The following ALK variants were observed in gnomAD, a reference collection of about 807,000 sequenced individuals.
ALK encodes ALK receptor tyrosine kinase.
In ALK, 74 loss-of-function variants were observed where a neutral mutation model predicts 163.1. The observed-to-expected ratio is 0.45, with a 90% CI of 0.38 to 0.55. The LOEUF (loss-of-function observed/expected upper bound fraction) is 0.55, where lower values mean the gene tolerates loss of function less well. ALK is among the 20% of genes least tolerant of loss of function. The pLI, the probability that ALK is intolerant of heterozygous loss-of-function variation, is 0.00. For missense variants in ALK, 2,063 were observed against 2,105.3 expected (o/e 0.98, Z 0.39); for synonymous variants, 960 against 843.2 (o/e 1.14, Z -2.40).
intron 4 of ALK, among the ~76,000 whole-genome samples, chr2:29,499,457 A>T (rs1489138966): frequency 6.6e-6 from 1 of 152,058 alleles, no homozygotes; most frequent in East Asian, 1.9e-4. Context: ...TGGCCTCCCA[A>T]AGTGTTGGGA....
chr2:29,273,189 A>G (rs1177340300), intron 11 of ALK, among the ~76,000 whole-genome samples: 3 of 152,216 alleles, frequency 2.0e-5, no homozygotes, highest in Non-Finnish European at 4.4e-5. Context: ...CCAGAATGGC[A>G]AGAATTGGCT....
chr2:29,661,211 A>G lies in ALK; in HGVS notation c.952+33639T>C, dbSNP rs192046023. ...ATAAAGCCAAGATTCAGAGAAATTAAGCATCTCAATGGAAGTCATGCAGCT... is the reference window on the plus strand; with the variant it reads ...ATAAAGCCAAGATTCAGAGAAATTAGGCATCTCAATGGAAGTCATGCAGCT... On this transcript the variant is annotated intron_variant, in intron 3 of 28. Coordinates refer to ENST00000389048, the MANE Select transcript of ALK (RefSeq NM_004304.5). Among the ~76,000 whole-genome samples the G allele has an allele frequency of 1.8e-3, 280 of 152,326 alleles. 2 individuals carry two copies. Among genetic ancestry groups the G allele is most frequent in the Non-Finnish European group, 1.3e-3 (88 of 68,032 alleles).
At chr2:29,593,001 G>A (rs1375078565) in intron 3 of ALK, among the ~76,000 whole-genome samples, 1 of 152,200 alleles carries the variant, frequency 6.6e-6, no homozygotes, top group Non-Finnish European at 1.5e-5. Flanking sequence ...CCAGTTTGCG[G>A]TCATTTGTTG....
chr2:29,445,340 C>G (rs1670645965), intron 4 of ALK, among the ~76,000 whole-genome samples: 1 of 152,166 alleles, frequency 6.6e-6, no homozygotes, highest in South Asian at 2.1e-4. Flanking sequence ...AAACTATAAG[C>G]TGCTTATATT....
At chr2:29,311,278 C>T (rs1357871815) in intron 8 of ALK, among the ~76,000 whole-genome samples, 2 of 152,108 alleles carry the variant, frequency 1.3e-5, no homozygotes, top group Non-Finnish European at 2.9e-5. Flanking sequence ...CTAATTGTGA[C>T]CTAGGGGATG....
intron 23 of ALK, among the ~76,000 whole-genome samples, chr2:29,214,944 C>T (rs1045809187): frequency 6.6e-6 from 1 of 152,184 alleles, no homozygotes; most frequent in East Asian, 1.9e-4. Flanking sequence ...TGGACACACA[C>T]TGGGGGTTCA....
chr2:29,456,329 GA>G (rs1670951930), intron 4 of ALK, among the ~76,000 whole-genome samples: 1 of 152,086 alleles, frequency 6.6e-6, no homozygotes, highest in Admixed American at 6.6e-5. Context: ...ATTGACAGAT[GA>G]ATGATTACAC....
chr2:29,783,109 T>C (rs555864745), intron 1 of ALK, among the ~76,000 whole-genome samples: 1 of 152,350 alleles, frequency 6.6e-6, no homozygotes, highest in South Asian at 2.1e-4. Flanking sequence ...AGACAACTGG[T>C]TACATTACGG....
chr2:29,792,667 T>C (rs1664216026), intron 1 of ALK, among the ~76,000 whole-genome samples: 1 of 149,364 alleles, frequency 6.7e-6, no homozygotes, highest in Admixed American at 6.6e-5. Context: ...ACCACTGCAA[T>C]AAAGCAAGTA....
chr2:29,646,668 C>A (rs1676883759), intron 3 of ALK, among the ~76,000 whole-genome samples: 1 of 152,086 alleles, frequency 6.6e-6, no homozygotes. Context: ...TGCTTCAGGG[C>A]CCTTGTGGTC....
chr2:29,833,479 C>T (rs907104121), intron 1 of ALK, among the ~76,000 whole-genome samples: 3 of 152,162 alleles, frequency 2.0e-5, no homozygotes, highest in Admixed American at 2.0e-4. Context: ...CATTTATTTT[C>T]CGTATCCTGA....
chr2:29,255,264 G>A (rs1323006455), intron 11 of ALK, among the ~76,000 whole-genome samples: 1 of 152,154 alleles, frequency 6.6e-6, no homozygotes, highest in African/African-American at 2.4e-5. Flanking sequence ...AGCTTCATCT[G>A]CTGGTTCCCT....
chr2:29,464,653 C>T (rs577468999), intron 4 of ALK, among the ~76,000 whole-genome samples: 3 of 152,084 alleles, frequency 2.0e-5, no homozygotes, highest in East Asian at 3.9e-4. Flanking sequence ...TGGTTCTCAA[C>T]AGGGGCCCGT....
intron 3 of ALK, among the ~76,000 whole-genome samples, chr2:29,645,746 G>A (rs909158188): frequency 6.6e-6 from 1 of 152,074 alleles, no homozygotes; most frequent in African/African-American, 2.4e-5. Flanking sequence ...GCCATAGACA[G>A]CATTCACCCA....
At chr2:29,732,355 C>A (rs1335623993) in intron 1 of ALK, among the ~76,000 whole-genome samples, 2 of 152,200 alleles carry the variant, frequency 1.3e-5, no homozygotes, top group Non-Finnish European at 2.9e-5. Context: ...TCCACCTACT[C>A]TGGGGTCCCA....
intron 1 of ALK, among the ~76,000 whole-genome samples, chr2:29,919,516 T>A (rs1667928147): frequency 6.6e-6 from 1 of 152,128 alleles, no homozygotes. Context: ...TGGGGACAGT[T>A]GGGTGAGATT....
intron 1 of ALK, among the ~76,000 whole-genome samples, chr2:29,870,277 C>T (rs1418528746): frequency 1.3e-5 from 2 of 152,164 alleles, no homozygotes; most frequent in African/African-American, 4.8e-5. Context: ...CAGGCTAATG[C>T]TTCTGAGGAG....
chr2:29,211,484 G>T (rs902926336), intron 24 of ALK, among the ~76,000 whole-genome samples: 8 of 152,170 alleles, frequency 5.3e-5, no homozygotes. Flanking sequence ...CAAGAGTTGG[G>T]AGAGTGACAC....
At chr2:29,444,326 G>A (rs887165168) in intron 4 of ALK, among the ~76,000 whole-genome samples, 1 of 152,208 alleles carries the variant, frequency 6.6e-6, no homozygotes, top group Non-Finnish European at 1.5e-5. Context: ...AGGTGGCCAA[G>A]TCTGGGCAAA....
Sources: allele counts gnomAD v4.1 joint callset (sites outside exome capture counted in the v4.1 genomes callset), GRCh38; gene constraint gnomAD v4.1.1; transcripts MANE v1.5; gene names NCBI Gene and HGNC (gene_info 2026-07-23, HGNC 2026-07-21).